BCORL1: variants seen among roughly 807,000 people sequenced by gnomAD.
BCORL1 encodes BCL6 corepressor like 1.
In BCORL1, 7 loss-of-function variants were observed where a neutral mutation model predicts 87.6. The ratio of observed to expected loss-of-function variants is 0.08; its 90% CI spans 0.05 to 0.15. BCORL1 has a LOEUF of 0.15. Among genes scored for constraint, BCORL1 ranks in the 10% least tolerant of loss-of-function variants. BCORL1 has a pLI of 1.00. For missense variants in BCORL1, 1,215 were observed against 1,499.7 expected, an observed-to-expected ratio of 0.81 and a Z score of 3.13; for synonymous variants, 591 against 634.4, an observed-to-expected ratio of 0.93 and a Z score of 1.03.
chrX:130,039,499 G>A (rs1457275463), intron 11 of BCORL1, among the ~76,000 whole-genome samples: 1 of 112,651 alleles, frequency 8.9e-6, no homozygotes. Flanking sequence ...AAGTGTGTGC[G>A]TCCTCTTCAG....
intron 1 of BCORL1, among the ~76,000 whole-genome samples, chrX:129,989,302 AT>A (rs34124916): frequency 9.3e-4 from 67 of 71,710 alleles, no homozygotes; most frequent in Middle Eastern, 7.8e-3. Context: ...TGCCCGGCTA[AT>A]TTTTTTTTTT....
chrX:130,055,370 C>A (rs976256577), intron 13 of BCORL1, among the ~76,000 whole-genome samples: 1 of 112,768 alleles, frequency 8.9e-6, no homozygotes, highest in Non-Finnish European at 1.9e-5. Flanking sequence ...ACGGCTCCCC[C>A]TCTGCTGGGG....
At position 130,051,880 on chromosome X, in the gene BCORL1, T is replaced by C; in HGVS notation, c.4939T>C (p.Cys1647Arg). Reference sequence around the variant, plus strand: ...TACAGAGGAAAAAGACGGGTTTGCCTGTGACCTCCTACATAATCCTCCTGG... The same window carrying C: ...TACAGAGGAAAAAGACGGGTTTGCCCGTGACCTCCTACATAATCCTCCTGG... ...SVLEEKDGFA[C>R]DLLHNPPGSS... Residue 1647 changes from cysteine (C) to arginine (R), a missense_variant, in exon 13 of 14, where the codon TGT becomes CGT. Around this residue, in one of 5 missense-constraint regions of BCORL1, gnomAD observed 129 missense variants for 157.5 expected, o/e 0.82. Coordinates refer to ENST00000540052, the MANE Select transcript of BCORL1 (RefSeq NM_001379451.1). 1 of 1,202,607 alleles carries C rather than the reference T, an allele frequency of 8.3e-7. No homozygotes were observed. The highest frequency in any genetic ancestry group is 1.1e-6 in the Non-Finnish European group (1 of 890,551).
intron 13 of BCORL1, among the ~76,000 whole-genome samples, chrX:130,052,879 C>T (rs1314585615): frequency 1.8e-5 from 2 of 112,694 alleles, no homozygotes; most frequent in Non-Finnish European, 3.8e-5. Flanking sequence ...CTGGTCGCAG[C>T]AGTTGTAATT....
At chrX:130,038,762 G>A (rs769702139) in intron 10 of BCORL1, among the ~76,000 whole-genome samples, 7 of 111,783 alleles carry the variant, frequency 6.3e-5, no homozygotes, top group African/African-American at 1.6e-4. Context: ...GATTACAGGC[G>A]TGAGCCACCG....
chrX:129,993,871 A>AC (rs1252377102), intron 1 of BCORL1, among the ~76,000 whole-genome samples: 3 of 109,137 alleles, frequency 2.7e-5, no homozygotes, highest in Non-Finnish European at 5.7e-5. Flanking sequence ...CTCAGCTCTG[A>AC]CCCCCCAGGT....
rs1930823964 is a variant in BCORL1, at chrX:130,034,588, G to A, written c.4439G>A (p.Arg1480Gln). The change falls in exon 9 of 14, where the codon CGG (arginine) becomes CAG (glutamine). Residue 1480 changes from arginine (R) to glutamine (Q), a missense_variant. Arg to Gln is a conservative substitution (Grantham distance 43). Coordinates refer to ENST00000540052, the MANE Select transcript of BCORL1 (RefSeq NM_001379451.1). ...GAGGCCTCAGAGTCACCTACAGCCCGGCAGATCCCCCCAGAGGCACGTCGG... is the reference window on the plus strand; with the variant it reads ...GAGGCCTCAGAGTCACCTACAGCCCAGCAGATCCCCCCAGAGGCACGTCGG... Reference protein sequence around the residue: ...SEEASESPTARQIPPEARRLI... With the variant: ...SEEASESPTAQQIPPEARRLI... 1.0e-6 allele frequency: 1 copy of A among 983,376 alleles called. No individual in the cohort carries two copies. Among genetic ancestry groups the A allele is most frequent in the Non-Finnish European group, 1.3e-6 (1 of 756,218 alleles). 81.0% of individuals were successfully genotyped at this position (983,376 alleles called of 1,213,427 possible).
chrX:130,014,891 A>G lies in BCORL1; in HGVS notation c.2119A>G (p.Thr707Ala), dbSNP rs1929282702. The G allele has an allele frequency of 8.3e-7, 1 of 1,209,351 alleles. No homozygotes were observed. Among genetic ancestry groups the G allele is most frequent in the African/African-American group, 1.8e-5 (1 of 56,937 alleles). The change falls in exon 4 of 14, where the codon ACT becomes GCT. Residue 707 changes from threonine (T) to alanine (A), a missense_variant. By Grantham distance (58) the Thr-to-Ala change is moderately conservative. Around this residue, in one of 5 missense-constraint regions of BCORL1, gnomAD observed 861 missense variants for 1,010.0 expected, o/e 0.85. Transcript: ENST00000540052. Reference sequence around the variant, plus strand: ...CCCGAGCACCTGGGTGAAGAACTCAACTGCACTGATCAGCACCATTCCTGG... The same window carrying G: ...CCCGAGCACCTGGGTGAAGAACTCAGCTGCACTGATCAGCACCATTCCTGG... The part of the protein sequence containing the change: ...GDPSTWVKNS[T>A]ALISTIPGTY...
At chrX:130,011,323 C>T (rs1363629359) in intron 2 of BCORL1, among the ~76,000 whole-genome samples, 2 of 109,546 alleles carry the variant, frequency 1.8e-5, no homozygotes, top group East Asian at 2.9e-4. Flanking sequence ...CTGCAACCTC[C>T]GCCTCCCAGA....
At position 130,013,445 on chromosome X, in the gene BCORL1, C is replaced by T; in HGVS notation, c.673C>T (p.Leu225Phe). The change falls in exon 4 of 14, where the codon CTC becomes TTC. Residue 225 changes from leucine to phenylalanine, a missense_variant. Physicochemically the swap from Leu to Phe is conservative, Grantham distance 22 (BLOSUM62 0). Around this residue, in one of 5 missense-constraint regions of BCORL1, gnomAD observed 861 missense variants for 1,010.0 expected, o/e 0.85. Transcript: ENST00000540052. ...TGTTCCAGATGCATTCCAGGTTCCC[C>T]TCTCCGTCCCTGCCCCAGTCCCCCA... ...HSVPDAFQVP[L>F]SVPAPVPHSG... is the part of the protein sequence containing the mutation. 1 of 1,211,130 alleles carries T rather than the reference C, an allele frequency of 8.3e-7. No homozygotes were observed. The highest frequency in any genetic ancestry group is 1.1e-6 in the Non-Finnish European group (1 of 895,418).
At chrX:130,012,454 C>T in intron 2 of BCORL1, 124 bp from the exon 3 acceptor site, 1 of 541,234 alleles carries the variant, frequency 1.8e-6, no homozygotes, top group South Asian at 2.8e-5. Context: ...TCACAAGTTA[C>T]TACAGGAAGT....
At chrX:130,053,209 C>T (rs112656334) in intron 13 of BCORL1, among the ~76,000 whole-genome samples, 40 of 111,585 alleles carry the variant, frequency 3.6e-4, no homozygotes, top group Non-Finnish European at 4.3e-4. Context: ...GCTAGGTAGA[C>T]GATGGATGAG....
intron 12 of BCORL1, among the ~76,000 whole-genome samples, chrX:130,051,305 T>G (rs1296943444): frequency 8.9e-6 from 1 of 112,987 alleles, no homozygotes; most frequent in Non-Finnish European, 1.9e-5. Flanking sequence ...CATCTAGCAT[T>G]CGCCCTTTGG....
chrX:130,025,345 G>A lies in BCORL1; in HGVS notation c.4044G>A (p.Glu1348=), dbSNP rs1930177676. Residue 1348 remains glutamate, a synonymous_variant, in exon 7 of 14, where the codon GAG becomes GAA. Coordinates refer to ENST00000540052, the MANE Select transcript of BCORL1 (RefSeq NM_001379451.1). ...ATCAGACTGGGGAGTACCTGACAGA[G>A]CAAGAAGACGAGCAGCGGCGGAAAG... ...RKYQTGEYLT[E]QEDEQRRKGR... 1 of 1,157,390 alleles carries A rather than the reference G, an allele frequency of 8.6e-7. No homozygotes were observed. Among genetic ancestry groups the A allele is most frequent in the Non-Finnish European group, 1.1e-6 (1 of 869,894 alleles).
chrX:129,984,584 C>T (rs1926448537), intron 1 of BCORL1, among the ~76,000 whole-genome samples: 1 of 111,052 alleles, frequency 9.0e-6, no homozygotes, highest in Non-Finnish European at 1.9e-5. Flanking sequence ...CCCTCCTCGC[C>T]GGGGTCCCGC....
chrX:130,050,800 T>C lies in BCORL1; in HGVS notation c.4918+6T>C, dbSNP rs1932029048. 2.5e-6 allele frequency: 3 copies of C among 1,194,165 alleles called. No homozygotes were observed. Among genetic ancestry groups the C allele is most frequent in the Non-Finnish European group, 3.4e-6 (3 of 880,526 alleles). ...TTACAGCAGTTCTGTGTTGGGTAAG[T>C]TTTAAGTGAGATTCTTCCCACCCTT... is the stretch of plus-strand genomic sequence containing the variant. On this transcript the variant is annotated splice_donor_region_variant and intron_variant, in intron 12 of 13. Transcript: ENST00000540052.
intron 11 of BCORL1, among the ~76,000 whole-genome samples, chrX:130,046,705 C>T (rs1178630825): frequency 9.0e-6 from 1 of 111,238 alleles, no homozygotes; most frequent in Non-Finnish European, 1.9e-5. Flanking sequence ...CACCACCACA[C>T]CCGGCTAATT....
rs371494388 is a variant in BCORL1, at chrX:130,039,119, C to T, written c.4695-18C>T. The T allele has an allele frequency of 7.7e-5, 93 of 1,208,151 alleles. No individual in the cohort carries two copies. Among genetic ancestry groups the T allele is most frequent in the African/African-American group, 3.7e-4 (21 of 57,088 alleles). On this transcript the variant is annotated intron_variant, in intron 10 of 13. Coordinates refer to ENST00000540052, the MANE Select transcript of BCORL1 (RefSeq NM_001379451.1). ...CCCACTTGGGCCCTGTTATCCTCAC[C>T]CTGTATCACCTCCACAGGCCAGTTC...
chrX:130,011,002 TAAAAAAAAAAAAAAAAAAAAA>T (rs1186630415), intron 2 of BCORL1, among the ~76,000 whole-genome samples: 1 of 19,085 alleles, frequency 5.2e-5, no homozygotes, highest in Admixed American at 1.2e-3. Context: ...AGATTCAATC[TAAAAAAAAAAAAAAAAAAAAA>T]AAAAAAAAAA....
Sources: allele counts gnomAD v4.1 joint callset (sites outside exome capture counted in the v4.1 genomes callset), GRCh38; gene constraint gnomAD v4.1.1; regional missense constraint gnomAD v4.1.1; transcripts MANE v1.5; gene names NCBI Gene and HGNC (gene_info 2026-07-23, HGNC 2026-07-21).